IMMT: variants seen among roughly 807,000 people sequenced by gnomAD.
IMMT encodes the protein inner membrane mitochondrial protein.
Under a neutral mutation model 92.7 loss-of-function variants are expected in IMMT, and 40 were observed. That is an observed-to-expected ratio of 0.43 (90% CI 0.34 to 0.56). IMMT has a LOEUF of 0.56. IMMT is among the 20% of genes least tolerant of loss of function. The pLI is 0.03. For synonymous variants in IMMT, 322 were observed against 336.1 expected, an observed-to-expected ratio of 0.96 and a Z score of 0.46; for missense variants, 831 against 912.1, an observed-to-expected ratio of 0.91 and a Z score of 1.14.
intron 10 of IMMT, among the ~76,000 whole-genome samples, chr2:86,156,081 A>G (rs979286631): frequency 6.6e-6 from 1 of 152,152 alleles, no homozygotes; most frequent in African/African-American, 2.4e-5. Flanking sequence ...AGGCTTCTCA[A>G]CCTTGGTGCT....
Position 86,159,643 on chromosome 2 carries a change from T to C in IMMT, c.925A>G (p.Ile309Val), listed in dbSNP as rs1482610533. ...ACCTCTTTTTTCTTTGCATTTTCAA[T>C]CACACTTTTCATCTTCTCTAACTCT... is the stretch of plus-strand genomic sequence containing the variant. ...KEELEKMKSV[I>V]ENAKKKEVAG... Residue 309 changes from isoleucine to valine, a missense_variant, in exon 9 of 15, where the codon ATT (isoleucine) becomes GTT (valine). By Grantham distance (29) the Ile-to-Val change is conservative. Coordinates refer to ENST00000410111, the MANE Select transcript of IMMT (RefSeq NM_006839.3). 6.3e-6 allele frequency: 10 copies of C among 1,577,494 alleles called. No homozygotes were observed. The highest frequency in any genetic ancestry group is 7.7e-6 in the Non-Finnish European group (9 of 1,169,044).
chr2:86,195,403 T>C lies in IMMT; in HGVS notation c.-21A>G. The C allele has an allele frequency of 6.5e-7, 1 of 1,546,332 alleles. No homozygotes were observed. Among genetic ancestry groups the C allele is most frequent in the South Asian group, 1.2e-5 (1 of 83,456 alleles). On this transcript the variant is annotated 5_prime_UTR_variant, in exon 1 of 15. Coordinates refer to ENST00000410111, the MANE Select transcript of IMMT (RefSeq NM_006839.3). ...AGCATCTCGGTCAAGCGGACGGCGC[T>C]GCTGGTGGACTCGAGCTGCCGCGGC...
chr2:86,185,463 G>T (rs984078200), intron 1 of IMMT, among the ~76,000 whole-genome samples: 3 of 152,126 alleles, frequency 2.0e-5, no homozygotes, highest in African/African-American at 7.2e-5. Context: ...ATCTAAGGAG[G>T]TGCCCCTCAG....
At chr2:86,194,840 G>C (rs900568612) in intron 1 of IMMT, 1 of 168,848 alleles carries the variant, frequency 5.9e-6, no homozygotes, top group Non-Finnish European at 1.4e-5. Flanking sequence ...AGTGTTCTCA[G>C]CTGCGAAAAG....
chr2:86,154,962 A>G (rs2104772080), intron 10 of IMMT, among the ~76,000 whole-genome samples: 1 of 152,176 alleles, frequency 6.6e-6, no homozygotes, highest in East Asian at 1.9e-4. Flanking sequence ...GCCCGGGTTC[A>G]AGTGATTCTC....
At chr2:86,161,097 T>TAA (rs11438083) in intron 8 of IMMT, among the ~76,000 whole-genome samples, 64,248 of 140,546 alleles carry the variant, frequency 0.46, 15,132 homozygotes, top group Non-Finnish European at 0.51. Context: ...GACCATGAAT[T>TAA]AAAAAAAAAA....
At position 86,171,211 on chromosome 2, in the gene IMMT, A is replaced by T; in HGVS notation, c.556T>A (p.Ser186Thr). Residue 186 changes from serine to threonine, a missense_variant, in exon 5 of 15, where the codon TCA (serine) becomes ACA (threonine). Physicochemically the swap from Ser to Thr is moderately conservative, Grantham distance 58 (BLOSUM62 1). Transcript: ENST00000410111. ...IGEGKPTPAL[S>T]EEASSSSIRE... ...CAAATAGAAATAATTAAATTACCTG[A>T]AAGTGCAGGTGTGGGTTTTCCTTCA... 6.3e-7 allele frequency: 1 copy of T among 1,587,670 alleles called. No individual in the cohort carries two copies. Among genetic ancestry groups the T allele is most frequent in the Non-Finnish European group, 8.6e-7 (1 of 1,165,922 alleles).
At chr2:86,168,858 AGAGAAAG>A (rs949007659) in intron 6 of IMMT, among the ~76,000 whole-genome samples, 4 of 152,188 alleles carry the variant, frequency 2.6e-5, no homozygotes, top group African/African-American at 9.7e-5. Context: ...GGATACAACA[AGAGAAAG>A]GGGCAAGGGA....
intron 14 of IMMT, among the ~76,000 whole-genome samples, chr2:86,145,334 A>C (rs1438859789): frequency 6.6e-6 from 1 of 151,952 alleles, no homozygotes; most frequent in Middle Eastern, 3.2e-3. Flanking sequence ...GTGTCTACTA[A>C]AAATACAAAA....
At chr2:86,187,132 A>T (rs1216606127) in intron 1 of IMMT, among the ~76,000 whole-genome samples, 1 of 152,196 alleles carries the variant, frequency 6.6e-6, no homozygotes, top group East Asian at 1.9e-4. Context: ...TTGTACAACA[A>T]CCATCACCAC....
chr2:86,146,937 T>C (rs1470174989), intron 13 of IMMT, among the ~76,000 whole-genome samples: 1 of 152,036 alleles, frequency 6.6e-6, no homozygotes, highest in East Asian at 1.9e-4. Context: ...ATTTTTGTAT[T>C]TTTAATAGAG....
At chr2:86,191,747 C>CAAAAAAAAAAA (rs572412565) in intron 1 of IMMT, among the ~76,000 whole-genome samples, 4 of 116,846 alleles carry the variant, frequency 3.4e-5, no homozygotes, top group African/African-American at 6.9e-5. Context: ...ACTAAAAATA[C>CAAAAAAAAAAA]AAAAAAAAAA....
At chr2:86,150,809 C>T (rs755812339) in intron 12 of IMMT, among the ~76,000 whole-genome samples, 7 of 152,120 alleles carry the variant, frequency 4.6e-5, no homozygotes, top group Admixed American at 6.5e-5. Context: ...GAACTCTGCT[C>T]GATCACTCCT....
intron 6 of IMMT, among the ~76,000 whole-genome samples, chr2:86,169,042 T>TA (rs1193892572): frequency 2.0e-5 from 3 of 152,232 alleles, no homozygotes; most frequent in African/African-American, 7.2e-5. Flanking sequence ...TGATCCTTGA[T>TA]AAATATTTCA....
chr2:86,162,466 C>A (rs991980859), intron 7 of IMMT, among the ~76,000 whole-genome samples: 4 of 150,774 alleles, frequency 2.7e-5, no homozygotes, highest in East Asian at 2.0e-4. Flanking sequence ...AGGAATTATT[C>A]TTCTTAATTT....
intron 1 of IMMT, among the ~76,000 whole-genome samples, chr2:86,191,063 T>C (rs539975415): frequency 6.6e-6 from 1 of 151,954 alleles, no homozygotes; most frequent in East Asian, 1.9e-4. Flanking sequence ...GGTGAACTAG[T>C]GGCCAGGCAT....
At chr2:86,154,024 G>A (rs967528232) in intron 10 of IMMT, among the ~76,000 whole-genome samples, 4 of 151,870 alleles carry the variant, frequency 2.6e-5, no homozygotes, top group Non-Finnish European at 5.9e-5. Context: ...CACCATACCC[G>A]GCTAATTTTT....
chr2:86,178,722 C>A (rs929835414), intron 3 of IMMT, among the ~76,000 whole-genome samples: 1 of 152,142 alleles, frequency 6.6e-6, no homozygotes, highest in Non-Finnish European at 1.5e-5. Context: ...GGTTCTACAT[C>A]CATAGATTCA....
chr2:86,181,588 A>AT (rs1293657880), intron 1 of IMMT, among the ~76,000 whole-genome samples: 2 of 152,234 alleles, frequency 1.3e-5, no homozygotes, highest in African/African-American at 4.8e-5. Flanking sequence ...TACTTTTAAT[A>AT]TTAAAAAAAA....
Sources: gnomAD v4.1 joint callset for allele counts (sites outside exome capture counted in the v4.1 genomes callset) on GRCh38, gnomAD v4.1.1 for gene constraint, MANE v1.5 for transcripts, NCBI Gene and HGNC (gene_info 2026-07-23, HGNC 2026-07-21) for gene names.